CFAP61: variants seen among roughly 807,000 people sequenced by gnomAD.
CFAP61 encodes the protein cilia and flagella associated protein 61.
CFAP61 carries 107 observed loss-of-function variants against 135.6 expected under a neutral mutation model. The observed-to-expected ratio is 0.79, with a 90% CI of 0.67 to 0.93. CFAP61 has a LOEUF of 0.93. Among genes scored for constraint, CFAP61 ranks in the 40% least tolerant of loss-of-function variants. The pLI, the probability that CFAP61 is intolerant of heterozygous loss-of-function variation, is 0.00. For synonymous variants in CFAP61, 575 were observed against 578.5 expected (o/e 0.99, Z 0.09); for missense variants, 1,507 against 1,556.2 (o/e 0.97, Z 0.53).
At chr20:20,235,143 C>G (rs2049481914) in intron 18 of CFAP61, among the ~76,000 whole-genome samples, 2 of 152,092 alleles carry the variant, frequency 1.3e-5, no homozygotes, top group African/African-American at 4.8e-5. Flanking sequence ...GCATCTGACT[C>G]CTGGTGAGAC....
intron 17 of CFAP61, among the ~76,000 whole-genome samples, chr20:20,211,430 T>C (rs2047628379): frequency 6.6e-6 from 1 of 152,202 alleles, no homozygotes; most frequent in South Asian, 2.1e-4. Flanking sequence ...TTAAGCTTAG[T>C]CAAGATGACT....
intron 1 of CFAP61, among the ~76,000 whole-genome samples, chr20:20,053,330 A>G (rs6136928): frequency 0.14 from 21,521 of 152,186 alleles, 1,658 homozygotes; most frequent in East Asian, 0.22. Flanking sequence ...CCTGCTATCA[A>G]TTATTGTACC....
intron 25 of CFAP61, among the ~76,000 whole-genome samples, chr20:20,314,355 A>G (rs2056990362): frequency 6.8e-6 from 1 of 146,114 alleles, no homozygotes; most frequent in Admixed American, 7.1e-5. Context: ...GCACCACTGC[A>G]CTCCCCAGCC....
At chr20:20,226,520 T>C (rs888909026) in intron 17 of CFAP61, among the ~76,000 whole-genome samples, 1 of 152,212 alleles carries the variant, frequency 6.6e-6, no homozygotes, top group East Asian at 1.9e-4. Context: ...CTGACTGATA[T>C]GTATTGCTTA....
Position 20,163,966 on chromosome 20 carries a change from T to G in CFAP61, c.1027-84T>G. The G allele has an allele frequency of 2.6e-6, 3 of 1,150,014 alleles. No individual in the cohort carries two copies. In the South Asian group the frequency reaches 4.7e-5, roughly 18 times the overall value. 71.2% of individuals were successfully genotyped at this position (1,150,014 alleles called of 1,614,324 possible). On this transcript the variant is annotated intron_variant, in intron 10 of 26. Coordinates refer to ENST00000245957, the MANE Select transcript of CFAP61 (RefSeq NM_015585.4). Reference sequence around the variant, plus strand: ...CACACCTGTCCTCAGAACGGTGTCATGTAGAGATAATGCAGCCACCAGCCC... The same window carrying G: ...CACACCTGTCCTCAGAACGGTGTCAGGTAGAGATAATGCAGCCACCAGCCC...
chr20:20,086,534 G>T (rs1389423088), intron 6 of CFAP61, among the ~76,000 whole-genome samples: 2 of 151,980 alleles, frequency 1.3e-5, no homozygotes, highest in African/African-American at 4.8e-5. Context: ...TTCTTAGTCA[G>T]TAGAGTCAGA....
rs77100203 is a variant in CFAP61 at position 20,145,927 on chromosome 20, T to C, written c.951+2979T>C. ...GATTTCAATATGCTCCTCTCAATAA[T>C]TGATAGAATAAGTAGGCAGAAAATC... On this transcript the variant is annotated intron_variant, in intron 9 of 26. Coordinates refer to ENST00000245957, the MANE Select transcript of CFAP61 (RefSeq NM_015585.4). Among the ~76,000 whole-genome samples the C allele has an allele frequency of 4.9e-3, 748 of 152,330 alleles. 4 individuals carry two copies. The highest frequency in any genetic ancestry group is 0.017 in the African/African-American group (716 of 41,580).
At chr20:20,081,416 A>G (rs2046420839) in intron 6 of CFAP61, among the ~76,000 whole-genome samples, 1 of 152,232 alleles carries the variant, frequency 6.6e-6, no homozygotes, top group South Asian at 2.1e-4. Context: ...AAACTTGTAT[A>G]TAAATCCAAC....
intron 18 of CFAP61, among the ~76,000 whole-genome samples, chr20:20,231,195 A>C (rs1038436760): frequency 6.6e-6 from 1 of 152,138 alleles, no homozygotes; most frequent in Admixed American, 6.5e-5. Context: ...ATGAGGCAAT[A>C]CTGTGGTGGT....
At chr20:20,092,030 C>T (rs1357595712) in intron 7 of CFAP61, among the ~76,000 whole-genome samples, 1 of 152,232 alleles carries the variant, frequency 6.6e-6, no homozygotes, top group Non-Finnish European at 1.5e-5. Flanking sequence ...TCAGATTTTT[C>T]TGACAGTCCC....
chr20:20,355,039 G>C (rs1487519746), intron 26 of CFAP61, among the ~76,000 whole-genome samples: 2 of 142,116 alleles, frequency 1.4e-5, no homozygotes, highest in Admixed American at 1.4e-4. Context: ...TCACACTGAG[G>C]GGAGGTGGTC....
At chr20:20,210,186 C>T (rs556363535) in intron 17 of CFAP61, among the ~76,000 whole-genome samples, 186 of 152,264 alleles carry the variant, frequency 1.2e-3, no homozygotes, top group African/African-American at 4.3e-3. Flanking sequence ...CCTGTATTCT[C>T]CAAAATCTTT....
Position 20,279,618 on chromosome 20 carries a change from A to G in CFAP61, c.2796+2160A>G, listed in dbSNP as rs567049092. Among the ~76,000 whole-genome samples, 16 of 152,272 alleles carry G rather than the reference A, an allele frequency of 1.1e-4. 1 individual carries two copies. In the South Asian group the frequency reaches 3.3e-3, roughly 32 times the overall value. ...CAGGGATGGCAGAGGCAGAAAAAAA[A>G]TCTATGCATAAGTGACACACAGTTC... On this transcript the variant is annotated intron_variant, in intron 22 of 26. Coordinates refer to ENST00000245957, the MANE Select transcript of CFAP61 (RefSeq NM_015585.4).
Position 20,098,772 on chromosome 20 carries a change from G to A in CFAP61, c.817G>A (p.Val273Ile), listed in dbSNP as rs151062566. The A allele has an allele frequency of 1.6e-5, 26 of 1,613,804 alleles. No individual in the cohort carries two copies. Among genetic ancestry groups the A allele is most frequent in the Middle Eastern group, 1.6e-4 (1 of 6,084 alleles). ...ACTCTGTTTCCCACATCCTGATGAC[G>A]TTCTGGAATCACCACAAGACCTAAG... ...HGLCFPHPDD[V>I]LESPQDLSVR... is the part of the protein sequence containing the mutation. The change falls in exon 8 of 27, where the codon GTT becomes ATT. Residue 273 changes from valine (V) to isoleucine (I), a missense_variant. Transcript: ENST00000245957.
chr20:20,174,433 A>G (rs1371474779), intron 13 of CFAP61, among the ~76,000 whole-genome samples: 1 of 152,228 alleles, frequency 6.6e-6, no homozygotes, highest in Non-Finnish European at 1.5e-5. Flanking sequence ...AGGGGTGCAC[A>G]TGCAGTGGGC....
chr20:20,268,221 T>C (rs1197332729), intron 21 of CFAP61, among the ~76,000 whole-genome samples: 2 of 152,144 alleles, frequency 1.3e-5, no homozygotes, highest in African/African-American at 4.8e-5. Flanking sequence ...CAGTGAAAAA[T>C]AGTTTCATCG....
chr20:20,061,591 T>C (rs1036755178), intron 2 of CFAP61, among the ~76,000 whole-genome samples: 1 of 152,202 alleles, frequency 6.6e-6, no homozygotes, highest in African/African-American at 2.4e-5. Context: ...CACTATATAA[T>C]GATAAAACTG....
chr20:20,056,200 C>T (rs945019151), intron 1 of CFAP61, among the ~76,000 whole-genome samples: 6 of 152,186 alleles, frequency 3.9e-5, no homozygotes, highest in Admixed American at 2.6e-4. Flanking sequence ...GACTGCTGAC[C>T]TTCAGGGCTC....
chr20:20,080,770 G>A (rs999387099), intron 6 of CFAP61, among the ~76,000 whole-genome samples: 11 of 152,182 alleles, frequency 7.2e-5, no homozygotes, highest in African/African-American at 2.7e-4. Flanking sequence ...TTGGGAGGCT[G>A]AGGCAGGCAG....
Sources: allele counts gnomAD v4.1 joint callset (sites outside exome capture counted in the v4.1 genomes callset), GRCh38; gene constraint gnomAD v4.1.1; transcripts MANE v1.5; gene names NCBI Gene and HGNC (gene_info 2026-07-23, HGNC 2026-07-21).